The following IL17RE variants were observed in gnomAD, a reference collection of about 807,000 sequenced individuals.
IL17RE encodes interleukin 17 receptor E.
IL17RE carries 47 observed loss-of-function variants against 70.7 expected under a neutral mutation model. That is an observed-to-expected ratio of 0.67 (90% CI 0.53 to 0.85). IL17RE has a LOEUF of 0.85. IL17RE is among the 40% of genes least tolerant of loss of function. IL17RE has a pLI of 0.00. For synonymous variants in IL17RE, 372 were observed against 381.2 expected (o/e 0.98, Z 0.28); for missense variants, 850 against 893.9 (o/e 0.95, Z 0.63).
chr3:9,909,088 G>T, intron 7 of IL17RE, 129 bp from the exon 8 acceptor site: 1 of 700,646 alleles, frequency 1.4e-6, no homozygotes, highest in Non-Finnish European at 2.5e-6. Context: ...GCCCCCTCCT[G>T]CTCGGTCAGT....
intron 3 of IL17RE, among the ~76,000 whole-genome samples, chr3:9,904,509 G>T (rs1489853904): frequency 6.6e-6 from 1 of 152,200 alleles, no homozygotes; most frequent in Non-Finnish European, 1.5e-5. Context: ...TCTAGGCCAG[G>T]CGCGGTGGCT....
At position 9,915,118 on chromosome 3, in the gene IL17RE, A is replaced by AC. The variant is rs752359738; in HGVS notation, c.1448-128dup. The stretch of plus-strand genomic sequence containing the variant: ...TAGGCTAGGGCTGTTTTCGGTACCA[A>AC]CCCCCAGAGCAAATAAGGGGCGGGG... On this transcript the variant is annotated intron_variant, in intron 15 of 15. Coordinates refer to ENST00000383814, the MANE Select transcript of IL17RE (RefSeq NM_153480.2). This position sits in a 1 kb window ranked among gnomAD's most constrained non-coding sequence, Gnocchi z 4.9. 3.8e-3 allele frequency: 4,456 copies of AC among 1,183,502 alleles called. 7 individuals are homozygous for AC. Among genetic ancestry groups the AC allele is most frequent in the Non-Finnish European group, 4.4e-3 (4,146 of 933,348 alleles). The allele number at this position is 1,183,502 out of a possible 1,614,324, so 73.3% of individuals were successfully genotyped here.
chr3:9,910,893 CT>C lies in IL17RE; in HGVS notation c.833del (p.Phe278SerfsTer14). Reference protein sequence around the residue: ...YGSDFWKSVHFTDYSQHTQMV... With the variant: ...YGSDFWKSVHXTDYSQHTQMV... ...GCTCGGACTTCTGGAAGTCAGTGCA[CT>C]TCACTGACTACAGCCAGCACACTCA... On this transcript the variant is annotated frameshift_variant, in exon 9 of 16. Transcript: ENST00000383814. LOFTEE classifies it high-confidence loss of function. 6.2e-7 allele frequency: 1 copy of C among 1,614,122 alleles called. No homozygotes were observed. Among genetic ancestry groups the C allele is most frequent in the Non-Finnish European group, 8.5e-7 (1 of 1,180,006 alleles).
chr3:9,902,544 A>G (rs1575473516), upstream of IL17RE: 2 of 1,311,176 alleles, frequency 1.5e-6, no homozygotes, highest in Non-Finnish European at 2.1e-6. Flanking sequence ...TCTATGGGAG[A>G]CACAAGTTCC....
At chr3:9,909,013 C>A (rs992692106) in intron 7 of IL17RE, among the ~76,000 whole-genome samples, 1 of 152,048 alleles carries the variant, frequency 6.6e-6, no homozygotes, top group Admixed American at 6.6e-5. Context: ...GGAGTTAGCC[C>A]CTCACTTGCT....
rs200239900 is a variant in IL17RE at position 9,914,042 on chromosome 3, C to T, written c.1296+18C>T. ...GTGTCCTGGTAAGGAAACCTACCCT[C>T]ACTCTACATACAGAGCCTTGGCATC... On this transcript the variant is annotated intron_variant, in intron 13 of 15. Transcript: ENST00000383814. 1.5e-4 allele frequency: 237 copies of T among 1,590,082 alleles called. 2 individuals carry two copies. Among genetic ancestry groups the T allele is most frequent in the Middle Eastern group, 1.2e-3 (7 of 6,026 alleles).
chr3:9,914,548 G>A lies in IL17RE; in HGVS notation c.1297G>A (p.Val433Met). Residue 433 changes from valine to methionine, a missense_variant and splice_region_variant, in exon 14 of 16, where the codon GTG (valine) becomes ATG (methionine). Physicochemically the swap from Val to Met is conservative, Grantham distance 21. Coordinates refer to ENST00000383814, the MANE Select transcript of IL17RE (RefSeq NM_153480.2). Reference sequence around the variant, plus strand: ...GGGGTGGGGGGCTCTGTGCCCTCAGGTGTGGCGGTCAGATGTCCAGTTTGC... The same window carrying A: ...GGGGTGGGGGGCTCTGTGCCCTCAGATGTGGCGGTCAGATGTCCAGTTTGC... ...PFLRPGCCVLVWRSDVQFAWK... is the reference protein window; with the variant it reads ...PFLRPGCCVLMWRSDVQFAWK... The A allele has an allele frequency of 6.2e-7, 1 of 1,613,968 alleles. No individual in the cohort carries two copies. The highest frequency in any genetic ancestry group is 8.5e-7 in the Non-Finnish European group (1 of 1,179,888).
At position 9,913,988 on chromosome 3, in the gene IL17RE, C is replaced by A; in HGVS notation, c.1260C>A (p.Leu420=). 3 of 1,614,162 alleles carry A rather than the reference C, an allele frequency of 1.9e-6. No homozygotes were observed. Among genetic ancestry groups the A allele is most frequent in the Non-Finnish European group, 2.5e-6 (3 of 1,179,994 alleles). The change falls in exon 13 of 16, where the codon CTC becomes CTA. Residue 420 remains leucine, a synonymous_variant. Transcript: ENST00000383814. Reference sequence around the variant, plus strand: ...GCTCAAGCCCAGTGTCACTAGACCTCATCATTCCCTTCCTGAGGCCAGGGT... The same window carrying A: ...GCTCAAGCCCAGTGTCACTAGACCTAATCATTCCCTTCCTGAGGCCAGGGT... ...ARGSSPVSLD[L]IIPFLRPGCC... is the part of the protein sequence containing the mutation.
chr3:9,915,167 C>T lies in IL17RE; in HGVS notation c.1448-84C>T. On this transcript the variant is annotated intron_variant, in intron 15 of 15. Coordinates refer to ENST00000383814, the MANE Select transcript of IL17RE (RefSeq NM_153480.2). This position sits in a 1 kb window ranked among gnomAD's most constrained non-coding sequence, Gnocchi z 4.9. ...GGGCGGGGGCGGAGAGGCGAGCACCCTACGGTATCCCGAGAGGGTGGGGAG... is the reference window on the plus strand; with the variant it reads ...GGGCGGGGGCGGAGAGGCGAGCACCTTACGGTATCCCGAGAGGGTGGGGAG... 7.4e-7 allele frequency: 1 copy of T among 1,345,304 alleles called. No homozygotes were observed. Among genetic ancestry groups the T allele is most frequent in the Non-Finnish European group, 9.5e-7 (1 of 1,052,410 alleles). The allele number at this position is 1,345,304 out of a possible 1,614,324, so 83.3% of individuals were successfully genotyped here.
Position 9,916,076 on chromosome 3 carries a change from C to A in IL17RE, c.*269C>A. On this transcript the variant is annotated 3_prime_UTR_variant, in exon 16 of 16. Coordinates refer to ENST00000383814, the MANE Select transcript of IL17RE (RefSeq NM_153480.2). ...TCTTCCCACTTCCTCTCCAGAACTC[C>A]AGAAAGAGCAGTGTGCTTATGCTTC... The A allele has an allele frequency of 2.4e-6, 1 of 420,728 alleles. No individual in the cohort carries two copies. Among genetic ancestry groups the A allele is most frequent in the Non-Finnish European group, 4.0e-6 (1 of 250,590 alleles). 26.1% of individuals were successfully genotyped at this position (420,728 alleles called of 1,614,324 possible). A position where few individuals can be genotyped will look rare whatever the true frequency, so the allele number is the denominator to read the frequency against.
rs533209427 is a variant in IL17RE, at chr3:9,906,642, G to A, written c.367-64G>A. The A allele has an allele frequency of 5.0e-5, 80 of 1,595,964 alleles. 1 individual carries two copies. The East Asian group carries it at 1.4e-3, about 27-fold the overall frequency. ...TGCCTGTAGTACCTCAGGTTCCAGA[G>A]GCAGAAACAGAAGCCAGGTTTCCTG... is the stretch of plus-strand genomic sequence containing the variant. On this transcript the variant is annotated intron_variant, in intron 4 of 15. Coordinates refer to ENST00000383814, the MANE Select transcript of IL17RE (RefSeq NM_153480.2).
At chr3:9,902,573 G>A, upstream of IL17RE, 1 of 1,491,148 alleles carries the variant, frequency 6.7e-7, no homozygotes, top group Non-Finnish European at 9.0e-7. Flanking sequence ...CTGATGGGTG[G>A]ATCAGATCTG....
chr3:9,906,633 G>C, intron 4 of IL17RE, 73 bp from the exon 5 acceptor site: 1 of 1,584,072 alleles, frequency 6.3e-7, no homozygotes, highest in Non-Finnish European at 8.6e-7. Flanking sequence ...TAGTACCTCA[G>C]GTTCCAGAGG....
intron 4 of IL17RE, 39 bp from the exon 5 acceptor site, chr3:9,906,667 G>C (rs1422788287): frequency 6.2e-7 from 1 of 1,606,972 alleles, no homozygotes; most frequent in Non-Finnish European, 8.5e-7. Flanking sequence ...CAGGTTTCCT[G>C]ATTTCTGGCC....
intron 12 of IL17RE, among the ~76,000 whole-genome samples, chr3:9,912,858 G>T (rs888657356): frequency 6.6e-6 from 1 of 152,166 alleles, no homozygotes; most frequent in Non-Finnish European, 1.5e-5. Flanking sequence ...GACAGCATAA[G>T]ACTCTGACTC....
chr3:9,914,857 A>G, intron 15 of IL17RE, 80 bp downstream of exon 15: 1 of 1,175,182 alleles, frequency 8.5e-7, no homozygotes, highest in Non-Finnish European at 1.2e-6. Flanking sequence ...CCCCTGTCTG[A>G]GCTCTCAGCA....
chr3:9,910,760 T>C (rs2082871049), intron 8 of IL17RE, 105 bp from the exon 9 acceptor site: 2 of 913,128 alleles, frequency 2.2e-6, no homozygotes, highest in Non-Finnish European at 3.4e-6. Context: ...GGAATAGTGC[T>C]GGTTACTTTT....
In IL17RE at chr3:9,904,100, G is replaced by A. The variant is rs1221715015; in HGVS notation, c.217G>A (p.Val73Ile). 3.7e-6 allele frequency: 6 copies of A among 1,614,184 alleles called. No individual in the cohort carries two copies. The highest frequency in any genetic ancestry group is 5.1e-6 in the Non-Finnish European group (6 of 1,180,026). Residue 73 changes from valine to isoleucine, a missense_variant, in exon 3 of 16, where the codon GTC (valine) becomes ATC (isoleucine). Physicochemically the swap from Val to Ile is conservative, Grantham distance 29. Coordinates refer to ENST00000383814, the MANE Select transcript of IL17RE (RefSeq NM_153480.2). ...CTCCACAAAGCCTTGGTGTGTGCGA[G>A]TCTGGCACTGTTCCCGCTGTTTGTG... ...LFSTKPWCVR[V>I]WHCSRCLCQH...
chr3:9,908,214 T>A (rs774066992), intron 6 of IL17RE, 25 bp from the exon 7 acceptor site: 1 of 1,607,828 alleles, frequency 6.2e-7, no homozygotes, highest in Non-Finnish European at 8.5e-7. Context: ...GCATCTTTTG[T>A]CTTCCTTTGC....
Sources: gnomAD v4.1 joint callset for allele counts (sites outside exome capture counted in the v4.1 genomes callset) on GRCh38, gnomAD v4.1.1 for gene constraint, Gnocchi (gnomAD v3.1) non-coding constraint, MANE v1.5 for transcripts, NCBI Gene and HGNC (gene_info 2026-07-23, HGNC 2026-07-21) for gene names.